The following GALNTL6 variants were observed in gnomAD, a reference collection of about 807,000 sequenced individuals.
The protein encoded by GALNTL6 is polypeptide N-acetylgalactosaminyltransferase-like 6.
GALNTL6 carries 46 observed loss-of-function variants against 73.7 expected under a neutral mutation model. The observed-to-expected ratio is 0.62, with a 90% confidence interval of 0.49 to 0.80. GALNTL6 has a LOEUF of 0.80. Ranked by LOEUF, GALNTL6 falls within the 30% of genes least tolerant of loss-of-function variation. The probability of loss-of-function intolerance (pLI) is 0.00; values close to 1 mark genes in which losing one functional copy is unlikely to be tolerated. For missense variants in GALNTL6, 604 were observed against 755.0 expected (o/e 0.80, Z 2.34); for synonymous variants, 259 against 263.7 (o/e 0.98, Z 0.17).
intron 5 of GALNTL6, among the ~76,000 whole-genome samples, chr4:172,417,251 GT>G (rs1730872258): frequency 6.6e-6 from 1 of 151,224 alleles, no homozygotes; most frequent in South Asian, 2.1e-4. Flanking sequence ...TGTTCTTTTT[GT>G]TTCTTTCAAA....
intron 5 of GALNTL6, among the ~76,000 whole-genome samples, chr4:172,371,951 C>G (rs1742828731): frequency 6.6e-6 from 1 of 152,174 alleles, no homozygotes; most frequent in African/African-American, 2.4e-5. Flanking sequence ...CATATTGCAG[C>G]ATGGGCATGT....
chr4:172,947,693 G>A (rs757579922), intron 9 of GALNTL6, among the ~76,000 whole-genome samples: 3 of 151,926 alleles, frequency 2.0e-5, no homozygotes, highest in Non-Finnish European at 4.4e-5. Context: ...TCTGGCACAA[G>A]CTGTTATTGG....
intron 7 of GALNTL6, among the ~76,000 whole-genome samples, chr4:172,877,573 A>C (rs1745254164): frequency 6.6e-6 from 1 of 152,008 alleles, no homozygotes; most frequent in African/African-American, 2.4e-5. Context: ...AATTTAGCTA[A>C]GTTTAGAATA....
intron 2 of GALNTL6, among the ~76,000 whole-genome samples, chr4:172,155,336 T>C (rs1268334733): frequency 1.3e-5 from 2 of 152,146 alleles, no homozygotes; most frequent in African/African-American, 2.4e-5. Context: ...AGCTTGTTCA[T>C]TGCTTCCACC....
rs569556319 is a variant in GALNTL6, at chr4:172,171,123, G to A, written c.139-58533G>A. 9.7e-4 allele frequency among the ~76,000 whole-genome samples: 147 copies of A among 152,272 alleles called. 1 individual carries two copies. Among genetic ancestry groups the A allele is most frequent in the African/African-American group, 3.4e-3 (142 of 41,566 alleles). On this transcript the variant is annotated intron_variant, in intron 2 of 12. Coordinates refer to ENST00000506823, the MANE Select transcript of GALNTL6 (RefSeq NM_001034845.3). ...ACGACAACCACAACAACAACTCATA[G>A]CCAAAGCATGCTGTTGCCGTAAAGA...
chr4:172,487,304 T>TTCTG (rs1554029533), intron 5 of GALNTL6, among the ~76,000 whole-genome samples: 22 of 92,148 alleles, frequency 2.4e-4, no homozygotes, highest in African/African-American at 8.2e-4. Flanking sequence ...CCTTCTGTCT[T>TTCTG]TCTTTCTTTC....
intron 5 of GALNTL6, among the ~76,000 whole-genome samples, chr4:172,647,045 T>A (rs997054042): frequency 6.6e-6 from 1 of 152,100 alleles, no homozygotes; most frequent in African/African-American, 2.4e-5. Flanking sequence ...AAGTAAGAGC[T>A]ATAAACCCAC....
chr4:172,606,558 T>C (rs188093500), intron 5 of GALNTL6, among the ~76,000 whole-genome samples: 5 of 129,344 alleles, frequency 3.9e-5, no homozygotes, highest in African/African-American at 1.3e-4. Flanking sequence ...TGTATATATA[T>C]ATATATACAT....
At chr4:173,011,527 T>C (rs1195093674) in intron 11 of GALNTL6, among the ~76,000 whole-genome samples, 3 of 152,226 alleles carry the variant, frequency 2.0e-5, no homozygotes, top group Non-Finnish European at 4.4e-5. Flanking sequence ...TAATTTGATT[T>C]TTGTACATGA....
chr4:171,885,148 C>T (rs181643565), intron 2 of GALNTL6, among the ~76,000 whole-genome samples: 51 of 151,922 alleles, frequency 3.4e-4, no homozygotes, highest in African/African-American at 1.1e-3. Flanking sequence ...TGTATAATTA[C>T]ATGGTCTCGC....
In GALNTL6 at chr4:172,359,130, G is replaced by A. The variant is rs150827125; in HGVS notation, c.553+10441G>A. ...ACATTAGCAAAAACATGGAATCAAC[G>A]TAAATGTCCATCAATGGCAGACTGG... is the stretch of plus-strand genomic sequence containing the variant. On this transcript the variant is annotated intron_variant, in intron 5 of 12. Transcript: ENST00000506823. Among the ~76,000 whole-genome samples, 414 of 152,150 alleles carry A rather than the reference G, an allele frequency of 2.7e-3. 5 individuals are homozygous for A. Among genetic ancestry groups the A allele is most frequent in the African/African-American group, 9.5e-3 (394 of 41,500 alleles).
At chr4:172,708,196 A>G (rs1734477140) in intron 5 of GALNTL6, among the ~76,000 whole-genome samples, 1 of 152,118 alleles carries the variant, frequency 6.6e-6, no homozygotes, top group Non-Finnish European at 1.5e-5. Context: ...AACTACAGGC[A>G]CATGTTACCA....
At chr4:172,656,048 C>T (rs542056157) in intron 5 of GALNTL6, among the ~76,000 whole-genome samples, 1 of 152,244 alleles carries the variant, frequency 6.6e-6, no homozygotes, top group Admixed American at 6.5e-5. Flanking sequence ...ATTTTGTTAC[C>T]TAGCATCAAC....
chr4:172,331,565 C>A (rs1256162565), intron 4 of GALNTL6, among the ~76,000 whole-genome samples: 2 of 152,144 alleles, frequency 1.3e-5, no homozygotes, highest in Non-Finnish European at 2.9e-5. Flanking sequence ...CACTGGCAAC[C>A]ATTCTACTCT....
intron 2 of GALNTL6, among the ~76,000 whole-genome samples, chr4:172,079,218 A>T (rs1731801623): frequency 8.6e-6 from 1 of 116,616 alleles, no homozygotes; most frequent in African/African-American, 3.0e-5. Flanking sequence ...AATATGTCAT[A>T]GGTTTTTTTT....
intron 7 of GALNTL6, among the ~76,000 whole-genome samples, chr4:172,827,002 A>T (rs997214810): frequency 6.6e-6 from 1 of 152,130 alleles, no homozygotes; most frequent in Non-Finnish European, 1.5e-5. Flanking sequence ...CTGATGCTTT[A>T]TCTTTCTCAG....
At chr4:172,770,830 C>T (rs1738722221) in intron 5 of GALNTL6, among the ~76,000 whole-genome samples, 1 of 152,140 alleles carries the variant, frequency 6.6e-6, no homozygotes, top group African/African-American at 2.4e-5. Flanking sequence ...CTATTTTTGA[C>T]ATTAAATGTT....
intron 8 of GALNTL6, among the ~76,000 whole-genome samples, chr4:172,886,589 C>G (rs1745732797): frequency 6.6e-6 from 1 of 152,142 alleles, no homozygotes; most frequent in Admixed American, 6.5e-5. Flanking sequence ...CATGGTGAAA[C>G]CCTGTCTCTA....
intron 5 of GALNTL6, among the ~76,000 whole-genome samples, chr4:172,614,385 C>G (rs1196692086): frequency 6.6e-6 from 1 of 152,140 alleles, no homozygotes; most frequent in Admixed American, 6.6e-5. Flanking sequence ...ATCAGAGCAG[C>G]TTACAGATTC....
Sources: allele counts gnomAD v4.1 joint callset (sites outside exome capture counted in the v4.1 genomes callset), GRCh38; gene constraint gnomAD v4.1.1; transcripts MANE v1.5; gene names NCBI Gene and HGNC (gene_info 2026-07-23, HGNC 2026-07-21).